C14orf180: variants seen among roughly 807,000 people sequenced by gnomAD.
C14orf180 encodes the protein nutritionally-regulated adipose and cardiac enriched protein homolog.
In C14orf180, 13 loss-of-function variants were observed where a neutral mutation model predicts 13.9. The observed-to-expected ratio is 0.94, with a 90% CI of 0.61 to 1.49. The LOEUF (loss-of-function observed/expected upper bound fraction) is 1.49. Among genes scored for constraint, C14orf180 ranks in the 40% most tolerant of loss-of-function variants. The probability of loss-of-function intolerance (pLI) is 0.00; values close to 1 mark genes in which losing one functional copy is unlikely to be tolerated. For synonymous variants in C14orf180, 113 were observed against 106.3 expected (o/e 1.06, Z -0.39); for missense variants, 238 against 232.0 (o/e 1.03, Z -0.17).
intron 1 of C14orf180, among the ~76,000 whole-genome samples, chr14:104,583,127 G>T (rs934010051): frequency 5.9e-5 from 9 of 152,226 alleles, no homozygotes; most frequent in African/African-American, 2.2e-4. Context: ...CCCACGTGAA[G>T]GTGCATCTCT....
chr14:104,588,517 CCAGT>C (rs1311341765), intron 4 of C14orf180, 57 bp from the exon 5 acceptor site: 1 of 1,439,826 alleles, frequency 6.9e-7, no homozygotes, highest in Non-Finnish European at 9.1e-7. Flanking sequence ...CCCACCAGCC[CCAGT>C]CCTCCAGGGA....
intron 1 of C14orf180, among the ~76,000 whole-genome samples, chr14:104,583,684 C>T (rs939453248): frequency 6.6e-6 from 1 of 152,150 alleles, no homozygotes; most frequent in Non-Finnish European, 1.5e-5. Context: ...CGCGTCCTCC[C>T]CAAGTTATGC....
At chr14:104,582,359 A>G (rs1886465570) in intron 1 of C14orf180, among the ~76,000 whole-genome samples, 1 of 152,202 alleles carries the variant, frequency 6.6e-6, no homozygotes, top group South Asian at 2.1e-4. Context: ...GGGACTCGGC[A>G]CTGCCACGGC....
At chr14:104,584,313 C>T (rs572584851) in intron 1 of C14orf180, among the ~76,000 whole-genome samples, 1 of 152,320 alleles carries the variant, frequency 6.6e-6, no homozygotes, top group African/African-American at 2.4e-5. Context: ...GAAATGACCC[C>T]GAATGCACAA....
chr14:104,587,954 C>T, intron 3 of C14orf180, 76 bp downstream of exon 3: 1 of 1,500,724 alleles, frequency 6.7e-7, no homozygotes, highest in South Asian at 1.3e-5. Flanking sequence ...CGGCCACACC[C>T]ACACAGCTCT....
chr14:104,586,465 C>T lies in C14orf180; in HGVS notation c.35C>T (p.Ser12Phe), dbSNP rs1201771727. ...RTAAGAVSPD[S>F]RPETRRQTRK... The stretch of plus-strand genomic sequence containing the variant: ...GCAGCAGGAGCCGTGAGCCCTGACT[C>T]CCGGCCAGAGACACGACGTCAGACC... Residue 12 changes from serine (S) to phenylalanine (F), a missense_variant, in exon 2 of 5, where the codon TCC becomes TTC. Transcript: ENST00000557649. The T allele has an allele frequency of 1.9e-6, 3 of 1,549,140 alleles. No homozygotes were observed. The highest frequency in any genetic ancestry group is 2.6e-6 in the Non-Finnish European group (3 of 1,146,234).
rs952621350 is a variant in C14orf180 at position 104,587,803 on chromosome 14, C to T, written c.166C>T (p.His56Tyr). Residue 56 changes from histidine (H) to tyrosine (Y), a missense_variant, in exon 3 of 5, where the codon CAC (histidine) becomes TAC (tyrosine). Coordinates refer to ENST00000557649, the MANE Select transcript of C14orf180 (RefSeq NM_001008404.3). ...SILKRSRPEH[H>Y]RPEAKPQRTS... ...CCTGAAACGGAGCCGGCCGGAGCAC[C>T]ACCGCCCAGAGGCCAAGCCCCAGAG... The T allele has an allele frequency of 1.2e-6, 2 of 1,612,594 alleles. No individual in the cohort carries two copies. The highest frequency in any genetic ancestry group is 1.7e-6 in the Non-Finnish European group (2 of 1,179,634).
chr14:104,584,757 A>G (rs1332883878), intron 1 of C14orf180, among the ~76,000 whole-genome samples: 1 of 152,220 alleles, frequency 6.6e-6, no homozygotes, highest in Non-Finnish European at 1.5e-5. Context: ...CCTATTTGCA[A>G]TAAAAACCTG....
intron 1 of C14orf180, among the ~76,000 whole-genome samples, chr14:104,581,943 G>C (rs1424866646): frequency 6.6e-6 from 1 of 152,178 alleles, no homozygotes; most frequent in Non-Finnish European, 1.5e-5. Context: ...GGGGCCGCAC[G>C]CTCAGAGCCG....
chr14:104,587,133 AT>A (rs1346508241), intron 2 of C14orf180, among the ~76,000 whole-genome samples: 2 of 152,066 alleles, frequency 1.3e-5, no homozygotes, highest in Non-Finnish European at 2.9e-5. Context: ...AGTTGTCACC[AT>A]GTCACAGACA....
chr14:104,587,931 G>C lies in C14orf180; in HGVS notation c.241+53G>C, dbSNP rs1005442746. On this transcript the variant is annotated intron_variant, in intron 3 of 4. Transcript: ENST00000557649. ...GGGAGAGGGTGGAGTCAAGCAGAGGGAGGCGGGGACACCGGCCACACCCAC... is the reference window on the plus strand; with the variant it reads ...GGGAGAGGGTGGAGTCAAGCAGAGGCAGGCGGGGACACCGGCCACACCCAC... 2.1e-5 allele frequency: 33 copies of C among 1,556,288 alleles called. 1 individual carries two copies. In the Admixed American group the frequency reaches 6.1e-4, roughly 29 times the overall value.
chr14:104,583,373 G>A (rs1886504366), intron 1 of C14orf180, among the ~76,000 whole-genome samples: 1 of 152,194 alleles, frequency 6.6e-6, no homozygotes, highest in Admixed American at 6.5e-5. Context: ...CTGTTCCTGG[G>A]CACATTCCCT....
At position 104,586,498 on chromosome 14, in the gene C14orf180, A is replaced by AT. The variant is rs776026506; in HGVS notation, c.69dup (p.Glu24Ter). On this transcript the variant is annotated frameshift_variant, in exon 2 of 5. Transcript: ENST00000557649. LOFTEE classifies it high-confidence loss of function. ...GAGACACGACGTCAGACCAGAAAGA[A>AT]TGAGGAGGCCGCGTGGGGCCCGCGG... 3.9e-6 allele frequency: 6 copies of AT among 1,549,528 alleles called. No homozygotes were observed. Among genetic ancestry groups the AT allele is most frequent in the Non-Finnish European group, 5.2e-6 (6 of 1,146,710 alleles).
chr14:104,588,792 ACGGGC>A lies in C14orf180; in HGVS notation c.*10_*14del. The A allele has an allele frequency of 3.9e-6, 6 of 1,526,128 alleles. No homozygotes were observed. Among genetic ancestry groups the A allele is most frequent in the Non-Finnish European group, 5.3e-6 (6 of 1,140,590 alleles). The allele number at this position is 1,526,128 out of a possible 1,614,324, so 94.5% of individuals were successfully genotyped here. A position where few individuals can be genotyped will look rare whatever the true frequency, so the allele number is the denominator to read the frequency against. The stretch of plus-strand genomic sequence containing the variant: ...GCCTCCTGCGGCTCTGACGGGCAGG[ACGGGC>A]AGGACGGGCAGGGCTTCCAGGAGAG... On this transcript the variant is annotated 3_prime_UTR_variant, in exon 5 of 5. Transcript: ENST00000557649.
At chr14:104,584,820 A>G (rs1886562553) in intron 1 of C14orf180, among the ~76,000 whole-genome samples, 1 of 152,208 alleles carries the variant, frequency 6.6e-6, no homozygotes, top group Non-Finnish European at 1.5e-5. Flanking sequence ...ACCCGTCCAG[A>G]CAGTGTCCTC....
At chr14:104,588,137 C>T (rs1886698428) in intron 3 of C14orf180, 137 bp from the exon 4 acceptor site, 5 of 1,098,114 alleles carry the variant, frequency 4.6e-6, no homozygotes, top group African/African-American at 1.5e-5. Context: ...GAGGAAGTGT[C>T]AGGACCGGCT....
rs1886758010 is a variant in C14orf180, at chr14:104,589,149, G to A, written c.*366G>A. Reference sequence around the variant, plus strand: ...TAGGGCCTGGCCCGGCCATCACCGTGTGCACCCTCTTGAGGAGGGGGACAC... The same window carrying A: ...TAGGGCCTGGCCCGGCCATCACCGTATGCACCCTCTTGAGGAGGGGGACAC... On this transcript the variant is annotated 3_prime_UTR_variant, in exon 5 of 5. Coordinates refer to ENST00000557649, the MANE Select transcript of C14orf180 (RefSeq NM_001008404.3). This position sits in a 1 kb window ranked among gnomAD's most constrained non-coding sequence, Gnocchi z 4.9. The A allele has an allele frequency of 1.3e-5, 6 of 448,612 alleles. No individual in the cohort carries two copies. In the East Asian group the frequency reaches 1.8e-4, roughly 14 times the overall value. The allele number at this position is 448,612 out of a possible 1,614,324, so 27.8% of individuals were successfully genotyped here.
At chr14:104,587,642 A>G in intron 2 of C14orf180, 107 bp from the exon 3 acceptor site, 1 of 1,158,362 alleles carries the variant, frequency 8.6e-7, no homozygotes, top group Non-Finnish European at 1.2e-6. Context: ...CAGCCAGGAC[A>G]GGGTACAGGT....
At chr14:104,583,804 A>G (rs544579895) in intron 1 of C14orf180, among the ~76,000 whole-genome samples, 1 of 152,070 alleles carries the variant, frequency 6.6e-6, no homozygotes, top group Non-Finnish European at 1.5e-5. Flanking sequence ...TCACCCACAC[A>G]TACGCAGATA....
Sources: gnomAD v4.1 joint callset for allele counts (sites outside exome capture counted in the v4.1 genomes callset) on GRCh38, gnomAD v4.1.1 for gene constraint, Gnocchi (gnomAD v3.1) non-coding constraint, MANE v1.5 for transcripts, NCBI Gene and HGNC (gene_info 2026-07-23, HGNC 2026-07-21) for gene names.